LMBR1: variants seen among roughly 807,000 people sequenced by gnomAD.
LMBR1 encodes the protein limb region 1 protein homolog.
In LMBR1, 52 loss-of-function variants were observed where a neutral mutation model predicts 73.9. The observed-to-expected ratio is 0.70, with a 90% CI of 0.56 to 0.89. The LOEUF (loss-of-function observed/expected upper bound fraction) is 0.89, where lower values mean the gene tolerates loss of function less well. Ranked by LOEUF, LMBR1 falls within the 40% of genes least tolerant of loss-of-function variation. The probability of loss-of-function intolerance (pLI) is 0.00; values close to 1 mark genes in which losing one functional copy is unlikely to be tolerated. For missense variants in LMBR1, 539 were observed against 579.8 expected (o/e 0.93, Z 0.72); for synonymous variants, 215 against 209.4 (o/e 1.03, Z -0.23).
At chr7:156,796,513 AAAG>A in intron 4 of LMBR1, 21 bp from the exon 5 acceptor site, 2 of 1,508,066 alleles carry the variant, frequency 1.3e-6, no homozygotes, top group Non-Finnish European at 1.8e-6. Context: ...GGTAACAAGA[AAAG>A]AAGAAAAACA....
At chr7:156,878,990 A>T (rs1368726222) in intron 1 of LMBR1, among the ~76,000 whole-genome samples, 3 of 152,352 alleles carry the variant, frequency 2.0e-5, no homozygotes, top group African/African-American at 7.2e-5. Flanking sequence ...TTGGCAAGCC[A>T]CATGTAGGAG....
Position 156,683,940 on chromosome 7 carries a change from TG to T in LMBR1, c.*137del. 4 of 688,862 alleles carry T rather than the reference TG, an allele frequency of 5.8e-6. No individual in the cohort carries two copies. The East Asian group carries it at 1.0e-4, about 17-fold the overall frequency. The allele number at this position is 688,862 out of a possible 1,614,324, so 42.7% of individuals were successfully genotyped here. On this transcript the variant is annotated 3_prime_UTR_variant, in exon 17 of 17. Coordinates refer to ENST00000353442, the MANE Select transcript of LMBR1 (RefSeq NM_022458.4). ...CCATAGCCAAGTTCTTCGTAGATTA[TG>T]AAAAAAAAATGGCACTGATAGGTCT... is the stretch of plus-strand genomic sequence containing the variant.
At chr7:156,827,797 C>G (rs1469893877) in intron 3 of LMBR1, among the ~76,000 whole-genome samples, 1 of 152,292 alleles carries the variant, frequency 6.6e-6, no homozygotes, top group African/African-American at 2.4e-5. Context: ...TGGCAACCAA[C>G]AGAAGTGTAT....
rs2132805219 is a variant in LMBR1 at position 156,756,267 on chromosome 7, T to TA, written c.757+125dup. On this transcript the variant is annotated intron_variant, in intron 9 of 16. Transcript: ENST00000353442. ...CACCAGGGAAGTTCTTTTATTACTC[T>TA]AAAGTGTTCTCCTCTTGTAGCAGCA... is the stretch of plus-strand genomic sequence containing the variant. The TA allele has an allele frequency of 6.8e-6, 4 of 588,594 alleles. No individual in the cohort carries two copies. In the East Asian group the frequency reaches 1.2e-4, roughly 18 times the overall value. 36.5% of individuals were successfully genotyped at this position (588,594 alleles called of 1,614,324 possible). A position where few individuals can be genotyped will look rare whatever the true frequency, so the allele number is the denominator to read the frequency against.
intron 4 of LMBR1, among the ~76,000 whole-genome samples, chr7:156,806,137 T>C (rs1295576818): frequency 6.6e-6 from 1 of 151,888 alleles, no homozygotes; most frequent in East Asian, 1.9e-4. Context: ...ACAGTATCTG[T>C]CTCCACTTAT....
At chr7:156,747,108 C>G (rs1173542407) in intron 9 of LMBR1, among the ~76,000 whole-genome samples, 1 of 152,160 alleles carries the variant, frequency 6.6e-6, no homozygotes, top group East Asian at 1.9e-4. Context: ...GTAAGAGTAT[C>G]TATTTGCATT....
At chr7:156,720,852 T>G (rs1814402227) in intron 15 of LMBR1, among the ~76,000 whole-genome samples, 1 of 152,060 alleles carries the variant, frequency 6.6e-6, no homozygotes, top group Non-Finnish European at 1.5e-5. Context: ...TTGTCATTGC[T>G]AAGCCTCTGT....
Position 156,784,477 on chromosome 7 carries a change from C to T in LMBR1, c.423+11912G>A, listed in dbSNP as rs761404491. The stretch of plus-strand genomic sequence containing the variant: ...TCACCAGTACCCACGTTCACTACTT[C>T]AGCCCAAAGCAAATGCTACACTGCC... On this transcript the variant is annotated intron_variant, in intron 5 of 16. Coordinates refer to ENST00000353442, the MANE Select transcript of LMBR1 (RefSeq NM_022458.4). Among the ~76,000 whole-genome samples the T allele has an allele frequency of 5.9e-4, 90 of 152,182 alleles. 1 individual carries two copies. Among genetic ancestry groups the T allele is most frequent in the Non-Finnish European group, 1.2e-4 (8 of 68,032 alleles).
rs148435125 is a variant in LMBR1, at chr7:156,762,056, C to T, written c.684+78G>A. 927 of 789,206 alleles carry T rather than the reference C, an allele frequency of 1.2e-3. 6 individuals carry two copies. Among genetic ancestry groups the T allele is most frequent in the Middle Eastern group, 7.6e-3 (26 of 3,404 alleles). The allele number at this position is 789,206 out of a possible 1,614,324, so 48.9% of individuals were successfully genotyped here. On this transcript the variant is annotated intron_variant, in intron 8 of 16. Coordinates refer to ENST00000353442, the MANE Select transcript of LMBR1 (RefSeq NM_022458.4). ...CATATTCTTCTTCTATTTCTAAATG[C>T]TAGCTCACAATATCAAAGACAATCA... is the stretch of plus-strand genomic sequence containing the variant.
chr7:156,797,081 T>C (rs369059466), intron 4 of LMBR1, among the ~76,000 whole-genome samples: 2 of 152,142 alleles, frequency 1.3e-5, no homozygotes, highest in African/African-American at 4.8e-5. Flanking sequence ...CTGTAGAGCA[T>C]CCAAGTGGCA....
chr7:156,888,400 A>G (rs1331667584), intron 1 of LMBR1, among the ~76,000 whole-genome samples: 7 of 138,772 alleles, frequency 5.0e-5, no homozygotes, highest in African/African-American at 2.0e-4. Flanking sequence ...ACACAGCGAG[A>G]CTCTGTCTCA....
intron 15 of LMBR1, among the ~76,000 whole-genome samples, chr7:156,709,173 T>C (rs777154804): frequency 2.0e-5 from 3 of 152,172 alleles, no homozygotes; most frequent in Admixed American, 6.5e-5. Flanking sequence ...CTTGGCCAAC[T>C]TGGGGCAAGC....
chr7:156,761,208 T>C (rs1174622890), intron 8 of LMBR1, among the ~76,000 whole-genome samples: 1 of 152,202 alleles, frequency 6.6e-6, no homozygotes, highest in African/African-American at 2.4e-5. Flanking sequence ...TTGTAACATG[T>C]AAGTAGTTTA....
At chr7:156,779,342 C>A (rs1460272247) in intron 5 of LMBR1, among the ~76,000 whole-genome samples, 2 of 152,198 alleles carry the variant, frequency 1.3e-5, no homozygotes, top group Non-Finnish European at 2.9e-5. Context: ...AGAAACACCA[C>A]TGAAATTAAG....
intron 1 of LMBR1, among the ~76,000 whole-genome samples, chr7:156,854,851 G>A (rs751384957): frequency 3.9e-5 from 6 of 152,126 alleles, no homozygotes; most frequent in Non-Finnish European, 8.8e-5. Context: ...AGTCTCTAGG[G>A]GAAACCAAAG....
chr7:156,833,886 G>A, intron 2 of LMBR1, 94 bp from the exon 3 acceptor site: 1 of 792,270 alleles, frequency 1.3e-6, no homozygotes, highest in East Asian at 2.8e-5. Flanking sequence ...AAACTTAAAA[G>A]GCAATTATTG....
intron 4 of LMBR1, among the ~76,000 whole-genome samples, chr7:156,800,888 G>C (rs1830846434): frequency 6.6e-6 from 1 of 152,224 alleles, no homozygotes; most frequent in Non-Finnish European, 1.5e-5. Flanking sequence ...AAGAGGACTG[G>C]AATTAGAGGT....
At chr7:156,699,209 A>G (rs1372448447) in intron 15 of LMBR1, among the ~76,000 whole-genome samples, 1 of 152,202 alleles carries the variant, frequency 6.6e-6, no homozygotes, top group African/African-American at 2.4e-5. Flanking sequence ...AAACAGAGAT[A>G]TAGATCAATG....
At chr7:156,724,828 A>G (rs1221873685) in intron 14 of LMBR1, among the ~76,000 whole-genome samples, 1 of 148,672 alleles carries the variant, frequency 6.7e-6, no homozygotes, top group African/African-American at 2.5e-5. Context: ...CTCCCCTTTA[A>G]GTAGGCTAAA....
Sources: allele counts gnomAD v4.1 joint callset (sites outside exome capture counted in the v4.1 genomes callset), GRCh38; gene constraint gnomAD v4.1.1; transcripts MANE v1.5; gene names NCBI Gene and HGNC (gene_info 2026-07-23, HGNC 2026-07-21).